The following KIRREL3 variants were observed in gnomAD, a reference collection of about 807,000 sequenced individuals.
The protein encoded by KIRREL3 is kin of IRRE-like protein 3.
In KIRREL3, 36 loss-of-function variants were observed where a neutral mutation model predicts 89.7. The ratio of observed to expected loss-of-function variants is 0.40; its 90% CI spans 0.31 to 0.53. The LOEUF (loss-of-function observed/expected upper bound fraction) is 0.53. Ranked by LOEUF, KIRREL3 falls within the 20% of genes least tolerant of loss-of-function variation. The pLI is 0.49. For missense variants in KIRREL3, 864 were observed against 1,056.6 expected (o/e 0.82, Z 2.53); for synonymous variants, 445 against 441.4 (o/e 1.01, Z -0.10).
In KIRREL3 at chr11:126,955,341, T is replaced by C. The variant is rs1948890581; in HGVS notation, c.55+45114A>G. 6.6e-6 allele frequency among the ~76,000 whole-genome samples: 1 copy of C among 152,160 alleles called. No homozygotes were observed. Among genetic ancestry groups the C allele is most frequent in the African/African-American group, 2.4e-5 (1 of 41,444 alleles). On this transcript the variant is annotated intron_variant, in intron 1 of 16. Coordinates refer to ENST00000525144, the MANE Select transcript of KIRREL3 (RefSeq NM_032531.4). This position sits in a 1 kb window ranked among gnomAD's most constrained non-coding sequence, Gnocchi z 4.6. ...GGAGATACTTACAGCTGCCCGTGGT[T>C]TTTAATTAATACACTGGGCTCCCTA...
chr11:126,606,527 A>G lies in KIRREL3; in HGVS notation c.56-43615T>C, dbSNP rs545290319. On this transcript the variant is annotated intron_variant, in intron 1 of 16. Transcript: ENST00000525144. The surrounding 1 kb of genome is among the most constrained non-coding windows in gnomAD (Gnocchi z 4.6). ...GGGAGGGAAGTCCGGGCTCTCTGGG[A>G]ACTGCCTTCCACATTTCCCCACCTT... is the stretch of plus-strand genomic sequence containing the variant. Among the ~76,000 whole-genome samples the G allele has an allele frequency of 6.6e-6, 1 of 152,234 alleles. No individual in the cohort carries two copies. The highest frequency in any genetic ancestry group is 2.4e-5 in the African/African-American group (1 of 41,542).
At chr11:126,559,401 G>A (rs933834799) in intron 2 of KIRREL3, among the ~76,000 whole-genome samples, 9 of 152,226 alleles carry the variant, frequency 5.9e-5, no homozygotes, top group African/African-American at 2.2e-4. Flanking sequence ...GGCCCAGGGA[G>A]AGGAGAGGAA....
In KIRREL3 at chr11:126,508,562, T is replaced by C. The variant is rs188441061; in HGVS notation, c.433+12753A>G. ...GGTGGAAGGGTTCAAGCAGGGCTCC[T>C]GGAGTTCCCAGGGGCTAGGAAGAAA... On this transcript the variant is annotated intron_variant, in intron 4 of 16. Coordinates refer to ENST00000525144, the MANE Select transcript of KIRREL3 (RefSeq NM_032531.4). This position sits in a 1 kb window ranked among gnomAD's most constrained non-coding sequence, Gnocchi z 4.9. Among the ~76,000 whole-genome samples the C allele has an allele frequency of 1.3e-5, 2 of 152,208 alleles. No individual in the cohort carries two copies. The highest frequency in any genetic ancestry group is 3.9e-4 in the East Asian group (2 of 5,174).
At chr11:126,698,967 G>C (rs774931230) in intron 1 of KIRREL3, among the ~76,000 whole-genome samples, 1 of 152,240 alleles carries the variant, frequency 6.6e-6, no homozygotes, top group African/African-American at 2.4e-5. Flanking sequence ...CTGCCTGCAG[G>C]TTCTTCATCA....
At chr11:126,829,872 A>C (rs553636217) in intron 1 of KIRREL3, among the ~76,000 whole-genome samples, 6 of 152,262 alleles carry the variant, frequency 3.9e-5, no homozygotes, top group Non-Finnish European at 2.9e-5. Flanking sequence ...ATGTAGAGGG[A>C]GGTTTTCAGA....
At position 126,769,044 on chromosome 11, in the gene KIRREL3, C is replaced by G. The variant is rs1949937049; in HGVS notation, c.56-206132G>C. 6.6e-6 allele frequency among the ~76,000 whole-genome samples: 1 copy of G among 152,168 alleles called. No homozygotes were observed. The highest frequency in any genetic ancestry group is 6.5e-5 in the Admixed American group (1 of 15,286). Reference sequence around the variant, plus strand: ...ATTTCCATGCCTCTGCATAGGCTGTCCCCTGGGGTCTCCTTTCCGCATCTT... The same window carrying G: ...ATTTCCATGCCTCTGCATAGGCTGTGCCCTGGGGTCTCCTTTCCGCATCTT... On this transcript the variant is annotated intron_variant, in intron 1 of 16. Coordinates refer to ENST00000525144, the MANE Select transcript of KIRREL3 (RefSeq NM_032531.4). The surrounding 1 kb of genome is among the most constrained non-coding windows in gnomAD (Gnocchi z 4.3).
At chr11:126,951,407 G>T (rs567646966) in intron 1 of KIRREL3, among the ~76,000 whole-genome samples, 12 of 152,088 alleles carry the variant, frequency 7.9e-5, no homozygotes, top group Admixed American at 2.0e-4. Context: ...CCAGTTTATT[G>T]CCTGCAGCAT....
At chr11:126,630,980 T>G (rs1247006025) in intron 1 of KIRREL3, among the ~76,000 whole-genome samples, 1 of 152,210 alleles carries the variant, frequency 6.6e-6, no homozygotes, top group Non-Finnish European at 1.5e-5. Flanking sequence ...TGACACGTCC[T>G]GCCTAAAGTG....
At chr11:126,849,528 A>G (rs1339583488) in intron 1 of KIRREL3, among the ~76,000 whole-genome samples, 1 of 152,154 alleles carries the variant, frequency 6.6e-6, no homozygotes, top group East Asian at 1.9e-4. Flanking sequence ...AGGACCACAC[A>G]GTTTGGGAAA....
Position 126,997,207 on chromosome 11 carries a change from T to C in KIRREL3, c.55+3248A>G, listed in dbSNP as rs541521250. On this transcript the variant is annotated intron_variant, in intron 1 of 16. Transcript: ENST00000525144. This position sits in a 1 kb window ranked among gnomAD's most constrained non-coding sequence, Gnocchi z 4.3. Reference sequence around the variant, plus strand: ...AACTGAAATGATAAAGAGGAAAAAATATAGCAAGTTCTAAGTTTATGGATG... The same window carrying C: ...AACTGAAATGATAAAGAGGAAAAAACATAGCAAGTTCTAAGTTTATGGATG... 6.6e-6 allele frequency among the ~76,000 whole-genome samples: 1 copy of C among 152,164 alleles called. No individual in the cohort carries two copies. The highest frequency in any genetic ancestry group is 2.1e-4 in the South Asian group (1 of 4,820).
At position 126,981,885 on chromosome 11, in the gene KIRREL3, A is replaced by G. The variant is rs1949732012; in HGVS notation, c.55+18570T>C. ...TGCTTGGGGGCTCTGCTGGGATGACAGCCTTTAAACACCTCATTAATATTC... is the reference window on the plus strand; with the variant it reads ...TGCTTGGGGGCTCTGCTGGGATGACGGCCTTTAAACACCTCATTAATATTC... On this transcript the variant is annotated intron_variant, in intron 1 of 16. Coordinates refer to ENST00000525144, the MANE Select transcript of KIRREL3 (RefSeq NM_032531.4). The surrounding 1 kb of genome is among the most constrained non-coding windows in gnomAD (Gnocchi z 4.2). Among the ~76,000 whole-genome samples, 5 of 152,232 alleles carry G rather than the reference A, an allele frequency of 3.3e-5. No individual in the cohort carries two copies. The South Asian group carries it at 8.3e-4, about 25-fold the overall frequency.
intron 2 of KIRREL3, among the ~76,000 whole-genome samples, chr11:126,534,072 A>C: frequency 6.6e-6 from 1 of 152,098 alleles, no homozygotes; most frequent in East Asian, 1.9e-4. Context: ...TTCACTAAAG[A>C]CAAGGATGTA....
Position 126,561,102 on chromosome 11 carries a change from A to G in KIRREL3, c.133+1733T>C, listed in dbSNP as rs1940085419. Among the ~76,000 whole-genome samples, 1 of 152,220 alleles carries G rather than the reference A, an allele frequency of 6.6e-6. No homozygotes were observed. Among genetic ancestry groups the G allele is most frequent in the African/African-American group, 2.4e-5 (1 of 41,450 alleles). ...GAGAGAGAGAAATGTATAATGTGGTACTTAGGGCAGCAAGGCTGGCTGGAG... is the reference window on the plus strand; with the variant it reads ...GAGAGAGAGAAATGTATAATGTGGTGCTTAGGGCAGCAAGGCTGGCTGGAG... On this transcript the variant is annotated intron_variant, in intron 2 of 16. Transcript: ENST00000525144. The surrounding 1 kb of genome is among the most constrained non-coding windows in gnomAD (Gnocchi z 4.5).
At position 126,498,890 on chromosome 11, in the gene KIRREL3, G is replaced by A. The variant is rs1957761827; in HGVS notation, c.433+22425C>T. 6.6e-6 allele frequency among the ~76,000 whole-genome samples: 1 copy of A among 152,242 alleles called. No homozygotes were observed. The highest frequency in any genetic ancestry group is 2.1e-4 in the South Asian group (1 of 4,834). On this transcript the variant is annotated intron_variant, in intron 4 of 16. Transcript: ENST00000525144. The surrounding 1 kb of genome is among the most constrained non-coding windows in gnomAD (Gnocchi z 4.3). ...TCATTAAAGAAGCTGTGTGGGCCAG[G>A]TGCAGTGGGTCCGCCTGTAATCCCA...
intron 1 of KIRREL3, among the ~76,000 whole-genome samples, chr11:126,960,937 A>T (rs1430308595): frequency 6.6e-6 from 1 of 152,112 alleles, no homozygotes; most frequent in Non-Finnish European, 1.5e-5. Context: ...TTTCATTATT[A>T]TTAGGGCTAT....
chr11:126,816,636 G>A (rs1592168488), intron 1 of KIRREL3, among the ~76,000 whole-genome samples: 1 of 152,184 alleles, frequency 6.6e-6, no homozygotes, highest in Non-Finnish European at 1.5e-5. Flanking sequence ...AATCTCCCAC[G>A]TGCTCACAAA....
chr11:126,633,328 C>G (rs748748203), intron 1 of KIRREL3, among the ~76,000 whole-genome samples: 1 of 152,016 alleles, frequency 6.6e-6, no homozygotes, highest in South Asian at 2.1e-4. Flanking sequence ...AGTCTGCACA[C>G]CTATCTCATT....
rs1167683249 is a variant in KIRREL3 at position 126,623,801 on chromosome 11, C to T, written c.56-60889G>A. ...TAGGTTCTCAAGAAAATAAACAAACCAACTTACAGAAAACCCCTTTCCCTG... is the reference window on the plus strand; with the variant it reads ...TAGGTTCTCAAGAAAATAAACAAACTAACTTACAGAAAACCCCTTTCCCTG... On this transcript the variant is annotated intron_variant, in intron 1 of 16. Transcript: ENST00000525144. This position sits in a 1 kb window ranked among gnomAD's most constrained non-coding sequence, Gnocchi z 4.1. Among the ~76,000 whole-genome samples the T allele has an allele frequency of 6.6e-6, 1 of 152,068 alleles. No homozygotes were observed. The highest frequency in any genetic ancestry group is 1.5e-5 in the Non-Finnish European group (1 of 68,002).
In KIRREL3 at chr11:126,435,280, C is replaced by G; in HGVS notation, c.1576G>C (p.Gly526Arg). The G allele has an allele frequency of 2.5e-6, 4 of 1,613,676 alleles. No homozygotes were observed. Among genetic ancestry groups the G allele is most frequent in the Non-Finnish European group, 1.7e-6 (2 of 1,179,752 alleles). Residue 526 changes from glycine to arginine, a missense_variant, in exon 13 of 17, where the codon GGG becomes CGG. By Grantham distance (125) the Gly-to-Arg change is moderately radical. Coordinates refer to ENST00000525144, the MANE Select transcript of KIRREL3 (RefSeq NM_032531.4). Reference protein sequence around the residue: ...EQGSEMKSGAGLEAESVPMAV... With the variant: ...EQGSEMKSGARLEAESVPMAV... ...TCTCCTTCCGTACCTGCTTCCAGCC[C>G]GGCTCCCGACTTCATTTCCGAACCT...
Sources: gnomAD v4.1 joint callset for allele counts (sites outside exome capture counted in the v4.1 genomes callset) on GRCh38, gnomAD v4.1.1 for gene constraint, Gnocchi (gnomAD v3.1) non-coding constraint, MANE v1.5 for transcripts, NCBI Gene and HGNC (gene_info 2026-07-23, HGNC 2026-07-21) for gene names.